The following C6orf58 variants were observed in gnomAD, a reference collection of about 807,000 sequenced individuals.
C6orf58 encodes protein LEG1 homolog.
C6orf58 carries 30 observed loss-of-function variants against 37.0 expected under a neutral mutation model. The observed-to-expected ratio is 0.81, with a 90% confidence interval of 0.61 to 1.10. C6orf58 has a LOEUF of 1.10. Among genes scored for constraint, C6orf58 ranks in the 50% least tolerant of loss-of-function variants. The pLI is 0.00. For missense variants in C6orf58, 368 were observed against 387.5 expected (o/e 0.95, Z 0.42); for synonymous variants, 143 against 134.1 (o/e 1.07, Z -0.46).
Position 127,591,724 on chromosome 6 carries a change from G to A in C6orf58, c.*102G>A, listed in dbSNP as rs1775165699. 3 of 1,027,766 alleles carry A rather than the reference G, an allele frequency of 2.9e-6. No individual in the cohort carries two copies. Among genetic ancestry groups the A allele is most frequent in the Non-Finnish European group, 3.9e-6 (3 of 777,392 alleles). 63.7% of individuals were successfully genotyped at this position (1,027,766 alleles called of 1,614,324 possible). ...AAAAAATTAATGTCATCATGACCAT[G>A]TAGTTTATTCTTTCTGATATTTTTG... On this transcript the variant is annotated 3_prime_UTR_variant, in exon 6 of 6. Transcript: ENST00000329722.
Position 127,578,712 on chromosome 6 carries a change from A to G in C6orf58, c.328A>G (p.Thr110Ala). 2 of 1,612,860 alleles carry G rather than the reference A, an allele frequency of 1.2e-6. No homozygotes were observed. Among genetic ancestry groups the G allele is most frequent in the Non-Finnish European group, 1.7e-6 (2 of 1,179,084 alleles). The change falls in exon 2 of 6, where the codon ACA becomes GCA. Residue 110 changes from threonine (T) to alanine (A), a missense_variant. Transcript: ENST00000329722. ...TGRLADPTRR[T>A]NCGYESGDHM... ...CAGATTAGCTGATCCAACCCGAAGG[A>G]CAAACTGTGGCTATGAATCTGGAGA... is the stretch of plus-strand genomic sequence containing the variant.
chr6:127,589,994 T>C (rs980739516), intron 4 of C6orf58, 93 bp from the exon 5 acceptor site: 3 of 791,752 alleles, frequency 3.8e-6, no homozygotes, highest in Non-Finnish European at 6.2e-6. Flanking sequence ...ATGAATTTAG[T>C]TTGTTGGCAA....
At chr6:127,589,344 G>A (rs1242923470) in intron 4 of C6orf58, among the ~76,000 whole-genome samples, 1 of 152,204 alleles carries the variant, frequency 6.6e-6, no homozygotes, top group Non-Finnish European at 1.5e-5. Context: ...CAATGTCTCA[G>A]GGAGAACAAG....
At chr6:127,578,570 T>A in intron 1 of C6orf58, 116 bp from the exon 2 acceptor site, 1 of 619,020 alleles carries the variant, frequency 1.6e-6, no homozygotes, top group Non-Finnish European at 2.9e-6. Context: ...CAAACACATA[T>A]CATTCAGAAA....
rs767418778 is a variant in C6orf58, at chr6:127,590,168, T to C, written c.756T>C (p.Phe252=). The stretch of plus-strand genomic sequence containing the variant: ...TGGATCATTTAGCTGCAGTCCTCTT[T>C]CCTACAACCTTGATTAGATCATATA... The part of the protein sequence containing the change: ...LAVDHLAAVL[F]PTTLIRSYKF... The change falls in exon 5 of 6, where the codon TTT becomes TTC. Residue 252 remains phenylalanine, a synonymous_variant. Transcript: ENST00000329722. 3.1e-6 allele frequency: 5 copies of C among 1,613,874 alleles called. No homozygotes were observed. Among genetic ancestry groups the C allele is most frequent in the Non-Finnish European group, 4.2e-6 (5 of 1,179,846 alleles).
In C6orf58 at chr6:127,581,267, A is replaced by G. The variant is rs1385442374; in HGVS notation, c.659A>G (p.Lys220Arg). 6.6e-7 allele frequency: 1 copy of G among 1,505,022 alleles called. No homozygotes were observed. The highest frequency in any genetic ancestry group is 2.4e-5 in the East Asian group (1 of 41,760). The allele number at this position is 1,505,022 out of a possible 1,614,324, so 93.2% of individuals were successfully genotyped here. Residue 220 changes from lysine to arginine, a missense_variant, in exon 4 of 6, where the codon AAA becomes AGA. Coordinates refer to ENST00000329722, the MANE Select transcript of C6orf58 (RefSeq NM_001010905.3). Reference protein sequence around the residue: ...AHTSTLADNIKSFEDRYDYYS... With the variant: ...AHTSTLADNIRSFEDRYDYYS... ...ACTTCAACCTTGGCAGATAATATCA[A>G]AAGTTTTGAAGACAGGTAAGAATGA... is the stretch of plus-strand genomic sequence containing the variant.
At position 127,585,934 on chromosome 6, in the gene C6orf58, G is replaced by A. The variant is rs927819682; in HGVS notation, c.675-4153G>A. Among the ~76,000 whole-genome samples, 15 of 152,092 alleles carry A rather than the reference G, an allele frequency of 9.9e-5. No homozygotes were observed. The South Asian group carries it at 2.1e-3, about 21-fold the overall frequency. ...TGCTCTTCTGTTTCTTGAACAAAAC[G>A]AAATATCCTCATATATTATAGCTTT... On this transcript the variant is annotated intron_variant, in intron 4 of 5. Transcript: ENST00000329722.
At chr6:127,589,722 C>T (rs1409990766) in intron 4 of C6orf58, among the ~76,000 whole-genome samples, 1 of 152,104 alleles carries the variant, frequency 6.6e-6, no homozygotes, top group African/African-American at 2.4e-5. Context: ...ATATTTGAGT[C>T]TAGCAAAAAT....
intron 5 of C6orf58, 34 bp from the exon 6 acceptor site, chr6:127,591,507 AAG>A: frequency 6.7e-7 from 1 of 1,488,538 alleles, no homozygotes; most frequent in Non-Finnish European, 8.9e-7. Flanking sequence ...AAAAATTTGC[AAG>A]AGTTTACATG....
At chr6:127,585,188 T>C (rs1775094302) in intron 4 of C6orf58, among the ~76,000 whole-genome samples, 1 of 152,192 alleles carries the variant, frequency 6.6e-6, no homozygotes, top group African/African-American at 2.4e-5. Flanking sequence ...ATATTATTTA[T>C]CAAATAGGCC....
chr6:127,580,877 C>T (rs955004812), intron 3 of C6orf58, among the ~76,000 whole-genome samples: 8 of 151,932 alleles, frequency 5.3e-5, no homozygotes, highest in African/African-American at 9.6e-5. Flanking sequence ...TTGTTACTCA[C>T]GATTTTATGG....
At chr6:127,584,552 A>G (rs917348582) in intron 4 of C6orf58, among the ~76,000 whole-genome samples, 1 of 152,188 alleles carries the variant, frequency 6.6e-6, no homozygotes, top group Non-Finnish European at 1.5e-5. Flanking sequence ...CAATGCAGGC[A>G]GATCACGAGG....
chr6:127,578,343 AG>A (rs1775011970), intron 1 of C6orf58, among the ~76,000 whole-genome samples: 1 of 152,086 alleles, frequency 6.6e-6, no homozygotes, highest in Admixed American at 6.6e-5. Context: ...GTGGTAGAGC[AG>A]GGGTTTGTTT....
chr6:127,583,664 CT>C (rs1175847866), intron 4 of C6orf58, among the ~76,000 whole-genome samples: 1 of 152,126 alleles, frequency 6.6e-6, no homozygotes, highest in African/African-American at 2.4e-5. Context: ...GTGGTACCTT[CT>C]GATGGAGTTC....
chr6:127,586,467 T>G (rs774602743), intron 4 of C6orf58, among the ~76,000 whole-genome samples: 1 of 152,188 alleles, frequency 6.6e-6, no homozygotes, highest in African/African-American at 2.4e-5. Flanking sequence ...AAATTCCCTG[T>G]GGCTCCACCC....
chr6:127,583,077 G>T (rs1259949610), intron 4 of C6orf58, among the ~76,000 whole-genome samples: 1 of 152,086 alleles, frequency 6.6e-6, no homozygotes, highest in Non-Finnish European at 1.5e-5. Flanking sequence ...GCCTACAAAC[G>T]TCGAATTATC....
chr6:127,589,800 T>C (rs1775142213), intron 4 of C6orf58, among the ~76,000 whole-genome samples: 1 of 152,162 alleles, frequency 6.6e-6, no homozygotes, highest in African/African-American at 2.4e-5. Flanking sequence ...GCCTTACTTT[T>C]GGTTATTAGG....
intron 3 of C6orf58, 125 bp downstream of exon 3, chr6:127,580,574 T>G (rs553058169): frequency 1.5e-6 from 1 of 653,316 alleles, no homozygotes; most frequent in African/African-American, 1.8e-5. Flanking sequence ...CTATGCATGA[T>G]ATATTAATAG....
At chr6:127,584,567 G>C (rs1775087482) in intron 4 of C6orf58, among the ~76,000 whole-genome samples, 1 of 152,090 alleles carries the variant, frequency 6.6e-6, no homozygotes, top group African/African-American at 2.4e-5. Context: ...ACGAGGTCAG[G>C]AGTTCAAGAC....
Sources: allele counts gnomAD v4.1 joint callset (sites outside exome capture counted in the v4.1 genomes callset), GRCh38; gene constraint gnomAD v4.1.1; transcripts MANE v1.5; gene names NCBI Gene and HGNC (gene_info 2026-07-23, HGNC 2026-07-21).